The following DIAPH2 variants were observed in gnomAD, a reference collection of about 807,000 sequenced individuals.
The protein encoded by DIAPH2 is protein diaphanous homolog 2.
Under a neutral mutation model 92.7 loss-of-function variants are expected in DIAPH2, and 35 were observed. The ratio of observed to expected loss-of-function variants is 0.38; its 90% CI spans 0.29 to 0.50. DIAPH2 has a LOEUF of 0.50. Ranked by LOEUF, DIAPH2 falls within the 20% of genes least tolerant of loss-of-function variation. The pLI is 0.94. For missense variants in DIAPH2, 701 were observed against 819.5 expected, an observed-to-expected ratio of 0.86 and a Z score of 1.77; for synonymous variants, 301 against 280.4, an observed-to-expected ratio of 1.07 and a Z score of -0.73.
At chrX:97,258,073 A>G (rs1362245672) in intron 23 of DIAPH2, among the ~76,000 whole-genome samples, 1 of 111,352 alleles carries the variant, frequency 9.0e-6, no homozygotes, top group African/African-American at 3.3e-5. Flanking sequence ...AGTAAAGGGC[A>G]CATTTTTCAA....
chrX:97,373,686 A>C (rs1293436282), intron 24 of DIAPH2, among the ~76,000 whole-genome samples: 1 of 98,022 alleles, frequency 1.0e-5, no homozygotes, highest in Non-Finnish European at 2.0e-5. Flanking sequence ...GGCTCACTGC[A>C]ACCTCCGCCT....
In DIAPH2 at chrX:97,601,616, C is replaced by A. The variant is rs2071596693; in HGVS notation, c.*2299C>A. On this transcript the variant is annotated 3_prime_UTR_variant, in exon 27 of 27. Transcript: ENST00000324765. ...ATATAGTGACATTTTTAGTATGAAA[C>A]CAAATTACACTAAGGTCTTTTGTTG... 9.0e-6 allele frequency: 1 copy of A among 111,578 alleles called. No individual in the cohort carries two copies. Among genetic ancestry groups the A allele is most frequent in the Non-Finnish European group, 1.9e-5 (1 of 53,072 alleles). The allele number at this position is 111,578 out of a possible 1,213,427, so 9.2% of individuals were successfully genotyped here.
intron 26 of DIAPH2, among the ~76,000 whole-genome samples, chrX:97,447,336 T>C (rs1355560698): frequency 2.7e-5 from 3 of 111,181 alleles, no homozygotes; most frequent in Non-Finnish European, 5.7e-5. Flanking sequence ...CTATCATTTC[T>C]TCCTGTTTCT....
intron 22 of DIAPH2, among the ~76,000 whole-genome samples, chrX:97,206,845 T>C (rs2067800868): frequency 9.0e-6 from 1 of 111,704 alleles, no homozygotes; most frequent in Non-Finnish European, 1.9e-5. Context: ...CAGGCGTATA[T>C]ACTTGTGACA....
chrX:96,973,688 C>CTTTTTTTTTTTTT (rs1169211955), intron 17 of DIAPH2, among the ~76,000 whole-genome samples: 2 of 46,690 alleles, frequency 4.3e-5, no homozygotes, highest in African/African-American at 9.2e-5. Flanking sequence ...TGAATATTTG[C>CTTTTTTTTTTTTT]TTTTTTTTTT....
intron 22 of DIAPH2, among the ~76,000 whole-genome samples, chrX:97,183,212 C>T (rs182572534): frequency 4.0e-4 from 45 of 111,503 alleles, no homozygotes; most frequent in African/African-American, 1.3e-3. Flanking sequence ...ATGCACTTGT[C>T]TCCAGGAAAT....
chrX:97,493,733 A>T (rs1351221469), intron 26 of DIAPH2, among the ~76,000 whole-genome samples: 2 of 108,508 alleles, frequency 1.8e-5, no homozygotes, highest in Non-Finnish European at 3.8e-5. Context: ...AAAAATTACA[A>T]AAATTAGCCA....
chrX:96,962,091 A>T (rs1223347191), intron 16 of DIAPH2, among the ~76,000 whole-genome samples: 1 of 106,366 alleles, frequency 9.4e-6, no homozygotes, highest in East Asian at 2.9e-4. Flanking sequence ...TTCTGCCTAG[A>T]TGATCTGTCT....
chrX:96,957,648 T>A (rs2065820008), intron 15 of DIAPH2, among the ~76,000 whole-genome samples, 180 bp from the exon 16 acceptor site: 1 of 111,535 alleles, frequency 9.0e-6, no homozygotes, highest in African/African-American at 3.3e-5. Flanking sequence ...CAGGCCTTTT[T>A]CATATACTGT....
intron 23 of DIAPH2, among the ~76,000 whole-genome samples, chrX:97,299,958 T>A (rs1376592159): frequency 1.8e-5 from 2 of 112,097 alleles, no homozygotes; most frequent in Non-Finnish European, 3.8e-5. Context: ...CTAGCTGATA[T>A]TTGTTTATTG....
At chrX:96,870,020 G>A (rs2065129509) in intron 4 of DIAPH2, among the ~76,000 whole-genome samples, 1 of 110,664 alleles carries the variant, frequency 9.0e-6, no homozygotes, top group African/African-American at 3.3e-5. Flanking sequence ...AGCAAATTAT[G>A]CCCCTTTTTA....
intron 26 of DIAPH2, among the ~76,000 whole-genome samples, chrX:97,567,263 A>T (rs968749745): frequency 8.9e-6 from 1 of 111,878 alleles, no homozygotes. Flanking sequence ...TTCCTTATAA[A>T]TCCTGACAAT....
intron 26 of DIAPH2, among the ~76,000 whole-genome samples, chrX:97,585,586 A>T (rs887653777): frequency 9.1e-6 from 1 of 109,829 alleles, no homozygotes; most frequent in African/African-American, 3.3e-5. Flanking sequence ...CCTAAGTAAA[A>T]AAAAAAAAAA....
chrX:97,147,835 T>G (rs1034544272), intron 22 of DIAPH2, among the ~76,000 whole-genome samples: 1 of 111,720 alleles, frequency 9.0e-6, no homozygotes, highest in African/African-American at 3.2e-5. Flanking sequence ...CATGTCATGT[T>G]AGTTACCGAT....
At chrX:96,931,306 C>A (rs774491626) in intron 10 of DIAPH2, among the ~76,000 whole-genome samples, 3 of 111,504 alleles carry the variant, frequency 2.7e-5, no homozygotes, top group African/African-American at 9.7e-5. Flanking sequence ...CTTTTCAGAT[C>A]AAAAACAATT....
At chrX:97,281,599 C>T (rs893606504) in intron 23 of DIAPH2, among the ~76,000 whole-genome samples, 4 of 109,967 alleles carry the variant, frequency 3.6e-5, no homozygotes, top group Non-Finnish European at 3.8e-5. Context: ...AAAAAATTAG[C>T]CGGGCGTGGC....
At chrX:96,731,197 A>G (rs952779058) in intron 1 of DIAPH2, among the ~76,000 whole-genome samples, 1 of 111,250 alleles carries the variant, frequency 9.0e-6, no homozygotes, top group Admixed American at 9.6e-5. Context: ...TGCAGGTCAC[A>G]GGGGATGCTA....
At chrX:97,057,657 C>A (rs925036463) in intron 17 of DIAPH2, among the ~76,000 whole-genome samples, 1 of 111,586 alleles carries the variant, frequency 9.0e-6, no homozygotes, top group Admixed American at 9.5e-5. Flanking sequence ...TTAGGTTAGC[C>A]CTGATATCAC....
intron 26 of DIAPH2, among the ~76,000 whole-genome samples, chrX:97,592,251 GATA>G (rs2071522661): frequency 8.9e-6 from 1 of 111,787 alleles, no homozygotes; most frequent in South Asian, 3.7e-4. Flanking sequence ...GAGTTTGTTT[GATA>G]ATGTACCTTT....
Sources: gnomAD v4.1 joint callset for allele counts (sites outside exome capture counted in the v4.1 genomes callset) on GRCh38, gnomAD v4.1.1 for gene constraint, MANE v1.5 for transcripts, NCBI Gene and HGNC (gene_info 2026-07-23, HGNC 2026-07-21) for gene names.